Variants in CRIPTO observed in about 807,000 individuals in gnomAD.
CRIPTO encodes cripto, EGF-CFC family member.
At chr3:46,580,593 T>C in the CRIPTO span, among the ~76,000 whole-genome samples, 1 of 152,046 alleles carries the variant, frequency 6.6e-6, no homozygotes, top group African/African-American at 2.4e-5. Flanking sequence ...TTTCACCTTC[T>C]TGATTTTTAC....
chr3:46,580,446 C>T, the CRIPTO span, among the ~76,000 whole-genome samples: 7 of 152,234 alleles, frequency 4.6e-5, no homozygotes, highest in African/African-American at 7.2e-5. Context: ...CCCACCCTGA[C>T]GACAAATTCT....
At chr3:46,576,827 C>CT in the CRIPTO span, among the ~76,000 whole-genome samples, 1 of 152,110 alleles carries the variant, frequency 6.6e-6, no homozygotes, top group East Asian at 1.9e-4. Context: ...GCGACTCCGG[C>CT]TCATAGACGC....
At chr3:46,579,385 C>T in the CRIPTO span, 6 of 1,613,998 alleles carry the variant, frequency 3.7e-6, no homozygotes, top group South Asian at 1.1e-5. Context: ...TGCCTGACTT[C>T]GATGCTTCTG....
chr3:46,579,887 A>C, the CRIPTO span: 3 of 1,613,996 alleles, frequency 1.9e-6, no homozygotes, highest in Non-Finnish European at 2.5e-6. Context: ...AGCCGTGGAG[A>C]GGAGAGAGAA....
the CRIPTO span, chr3:46,580,054 G>A: frequency 9.1e-5 from 147 of 1,614,244 alleles, 1 homozygote; most frequent in South Asian, 1.4e-3. Flanking sequence ...ATTTCTACCC[G>A]GCTGTGGTAA....
the CRIPTO span, chr3:46,579,210 A>G: frequency 4.3e-6 from 7 of 1,614,002 alleles, no homozygotes; most frequent in Non-Finnish European, 5.9e-6. Flanking sequence ...TACAGACTCC[A>G]TGAATTGATT....
the CRIPTO span, chr3:46,579,206 C>A: frequency 2.5e-6 from 4 of 1,614,158 alleles, no homozygotes; most frequent in South Asian, 4.4e-5. Flanking sequence ...AAAATACAGA[C>A]TCCATGAATT....
the CRIPTO span, chr3:46,578,099 G>T: frequency 7.1e-7 from 1 of 1,412,338 alleles, no homozygotes; most frequent in African/African-American, 1.4e-5. Flanking sequence ...TTTTTCTCTT[G>T]CTCAAGCCTT....
chr3:46,574,866 A>C, the CRIPTO span, among the ~76,000 whole-genome samples: 1 of 152,188 alleles, frequency 6.6e-6, no homozygotes, highest in African/African-American at 2.4e-5. Context: ...TCAAATGCTT[A>C]TTTGTGTGAT....
chr3:46,576,175 A>G, the CRIPTO span, among the ~76,000 whole-genome samples: 1 of 152,144 alleles, frequency 6.6e-6, no homozygotes, highest in Non-Finnish European at 1.5e-5. Flanking sequence ...GCTTCTCCCA[A>G]GATCATGTGT....
At chr3:46,577,738 A>G in the CRIPTO span, 29 of 581,736 alleles carry the variant, frequency 5.0e-5, no homozygotes, top group Non-Finnish European at 8.6e-5. Context: ...ATCCCCGGAA[A>G]GGCTGAGTCT....
At chr3:46,580,372 G>A in the CRIPTO span, among the ~76,000 whole-genome samples, 1 of 152,190 alleles carries the variant, frequency 6.6e-6, no homozygotes, top group Non-Finnish European at 1.5e-5. Context: ...ACCAAGAGAT[G>A]TTCTCTGGTG....
the CRIPTO span, chr3:46,578,007 A>T: frequency 6.2e-7 from 1 of 1,614,184 alleles, no homozygotes; most frequent in Non-Finnish European, 8.5e-7. Context: ...TCTTACAGGT[A>T]TGAGCTAATC....
the CRIPTO span, chr3:46,581,237 A>G: frequency 6.2e-7 from 1 of 1,612,906 alleles, no homozygotes; most frequent in Non-Finnish European, 8.5e-7. Context: ...CTTTCTATAC[A>G]AAGCTACTAT....
chr3:46,579,034 T>A, the CRIPTO span: 1 of 1,588,724 alleles, frequency 6.3e-7, no homozygotes, highest in Non-Finnish European at 8.6e-7. Context: ...GACCTGGGTG[T>A]TAACTTGTAA....
At chr3:46,577,917 A>T in the CRIPTO span, 16 of 1,583,332 alleles carry the variant, frequency 1.0e-5, no homozygotes, top group South Asian at 1.8e-4. Flanking sequence ...TTTGGCAATG[A>T]CTCTGAATTA....
the CRIPTO span, chr3:46,581,720 C>T: frequency 2.4e-6 from 1 of 420,968 alleles, no homozygotes; most frequent in Admixed American, 4.1e-5. Flanking sequence ...ACCATATTGG[C>T]CAGTCTGGTC....
At chr3:46,580,447 G>C in the CRIPTO span, among the ~76,000 whole-genome samples, 102 of 152,228 alleles carry the variant, frequency 6.7e-4, no homozygotes, top group Admixed American at 1.2e-3. Flanking sequence ...CCACCCTGAC[G>C]ACAAATTCTA....
At chr3:46,579,761 C>T in the CRIPTO span, 139 of 1,612,866 alleles carry the variant, frequency 8.6e-5, no homozygotes, top group Non-Finnish European at 1.2e-4. Flanking sequence ...ACAGAACCTG[C>T]TGCCTGAATG....
Sources: gnomAD v4.1 joint callset for allele counts (sites outside exome capture counted in the v4.1 genomes callset) on GRCh38, gnomAD v4.1.1 for gene constraint, MANE v1.5 for transcripts, NCBI Gene and HGNC (gene_info 2026-07-23, HGNC 2026-07-21) for gene names.